UBN1: variants seen among roughly 807,000 people sequenced by gnomAD.
The protein encoded by UBN1 is ubinuclein 1.
A neutral mutation model predicts 108.5 loss-of-function variants in UBN1; 17 were observed. The ratio of observed to expected loss-of-function variants is 0.16; its 90% CI spans 0.11 to 0.24. The LOEUF is 0.24. Ranked by LOEUF, UBN1 falls within the 10% of genes least tolerant of loss-of-function variation. The pLI, the probability that UBN1 is intolerant of heterozygous loss-of-function variation, is 1.00. For synonymous variants in UBN1, 726 were observed against 564.2 expected (o/e 1.29, Z -4.07); for missense variants, 1,595 against 1,394.4 (o/e 1.14, Z -2.29).
rs1193294084 is a variant in UBN1, at chr16:4,859,144, G to A, written c.552G>A (p.Lys184=). 2.5e-6 allele frequency: 4 copies of A among 1,612,642 alleles called. No individual in the cohort carries two copies. Among genetic ancestry groups the A allele is most frequent in the Non-Finnish European group, 3.4e-6 (4 of 1,179,690 alleles). Residue 184 remains lysine (K), a synonymous_variant, in exon 5 of 18, where the codon AAG becomes AAA. Coordinates refer to ENST00000262376, the MANE Select transcript of UBN1 (RefSeq NM_001079514.3). ...AAGATGACTTCATTAAAGAAAAGAA[G>A]AAAAAATCTCCAAAGGTTAGAATGT... ...ESEDDFIKEK[K]KKSPKKRKLK... is the part of the protein sequence containing the mutation.
rs777540180 is a variant in UBN1, at chr16:4,877,093, C to T, written c.3247C>T (p.His1083Tyr). Reference sequence around the variant, plus strand: ...CACAGGCCCTGCCCCCGGGTCCTTCCACCATGGCCTTGGCCACAGTAAGTG... The same window carrying T: ...CACAGGCCCTGCCCCCGGGTCCTTCTACCATGGCCTTGGCCACAGTAAGTG... ...IVTGPAPGSFHHGLGHSLLAG... is the reference protein window; with the variant it reads ...IVTGPAPGSFYHGLGHSLLAG... Residue 1083 changes from histidine to tyrosine, a missense_variant, in exon 16 of 18, where the codon CAC becomes TAC. Coordinates refer to ENST00000262376, the MANE Select transcript of UBN1 (RefSeq NM_001079514.3). This position sits in a 1 kb window ranked among gnomAD's most constrained non-coding sequence, Gnocchi z 4.3. 1.9e-6 allele frequency: 3 copies of T among 1,611,828 alleles called. No individual in the cohort carries two copies. Among genetic ancestry groups the T allele is most frequent in the Admixed American group, 3.3e-5 (2 of 59,774 alleles).
In UBN1 at chr16:4,859,018, T is replaced by C. The variant is rs369163496; in HGVS notation, c.433-7T>C. ...CTTGGAGCTGACAGTTTGTTTCCCA[T>C]CTTCAGTATGATGAGCTTGTTCCTG... On this transcript the variant is annotated splice_region_variant and splice_polypyrimidine_tract_variant and intron_variant, in intron 4 of 17. Transcript: ENST00000262376. The C allele has an allele frequency of 6.2e-7, 1 of 1,611,100 alleles. No individual in the cohort carries two copies. Among genetic ancestry groups the C allele is most frequent in the Non-Finnish European group, 8.5e-7 (1 of 1,179,282 alleles).
chr16:4,879,536 A>G (rs143954450), intron 17 of UBN1, among the ~76,000 whole-genome samples: 83 of 152,266 alleles, frequency 5.5e-4, no homozygotes, highest in African/African-American at 1.9e-3. Flanking sequence ...GGGTTATCCA[A>G]GTGAGCTTCT....
At position 4,877,435 on chromosome 16, in the gene UBN1, C is replaced by T; in HGVS notation, c.3316C>T (p.His1106Tyr). 6.2e-7 allele frequency: 1 copy of T among 1,612,572 alleles called. No homozygotes were observed. Among genetic ancestry groups the T allele is most frequent in the East Asian group, 2.2e-5 (1 of 44,852 alleles). The part of the protein sequence containing the change: ...SSPPHAAPLP[H>Y]AAVPTHIPQS... ...CCCGCCCCATGCAGCGCCTCTCCCA[C>T]ACGCTGCGGTGCCCACCCATATCCC... The change falls in exon 17 of 18, where the codon CAC becomes TAC. Residue 1106 changes from histidine to tyrosine, a missense_variant. Transcript: ENST00000262376. The surrounding 1 kb of genome is among the most constrained non-coding windows in gnomAD (Gnocchi z 4.3).
intron 4 of UBN1, 70 bp from the exon 5 acceptor site, chr16:4,858,955 C>T (rs8060576): frequency 0.14 from 213,717 of 1,570,272 alleles, 15,721 homozygotes; most frequent in Admixed American, 0.23. Context: ...ACATCTCTCT[C>T]GAGACCCACT....
chr16:4,881,984 G>C lies in UBN1; in HGVS notation c.*1852G>C, dbSNP rs2088087449. 1 of 152,190 alleles carries C rather than the reference G, an allele frequency of 6.6e-6. No individual in the cohort carries two copies. The highest frequency in any genetic ancestry group is 1.5e-5 in the Non-Finnish European group (1 of 68,002). The allele number at this position is 152,190 out of a possible 1,614,324, so 9.4% of individuals were successfully genotyped here. On this transcript the variant is annotated 3_prime_UTR_variant, in exon 18 of 18. Transcript: ENST00000262376. ...TACCATTGCGCGTGCAGCTGGAGCA[G>C]AATACCCTCATTTTTAGGAATCTAG... is the stretch of plus-strand genomic sequence containing the variant.
At chr16:4,862,528 T>C (rs1342923369) in intron 7 of UBN1, among the ~76,000 whole-genome samples, 7 of 152,250 alleles carry the variant, frequency 4.6e-5, no homozygotes, top group African/African-American at 1.7e-4. Flanking sequence ...TCAGAATTCA[T>C]GTTAACCAAA....
At chr16:4,867,663 A>T (rs1036714129) in intron 7 of UBN1, among the ~76,000 whole-genome samples, 15 of 152,080 alleles carry the variant, frequency 9.9e-5, no homozygotes, top group African/African-American at 3.1e-4. Flanking sequence ...TCTAGTGAGA[A>T]TCCTGGGGTC....
rs1387084559 is a variant in UBN1 at position 4,853,023 on chromosome 16, C to G, written c.106C>G (p.Gln36Glu). Residue 36 changes from glutamine (Q) to glutamate (E), a missense_variant, in exon 2 of 18, where the codon CAG becomes GAG. Physicochemically the swap from Gln to Glu is conservative, Grantham distance 29 (BLOSUM62 2). Around this residue, in one of 3 missense-constraint regions of UBN1, gnomAD observed 181 missense variants for 157.3 expected, o/e 1.15. Transcript: ENST00000262376. ...GGAGGCTGGGGCAGGAGAACAGCAT[C>G]AGGACTGTGAGCCGGCTGCAGCAGC... ...KEEAGAGEQH[Q>E]DCEPAAAAVR... The G allele has an allele frequency of 3.1e-6, 5 of 1,614,242 alleles. No homozygotes were observed. The highest frequency in any genetic ancestry group is 4.2e-6 in the Non-Finnish European group (5 of 1,180,046).
At chr16:4,859,301 C>A in intron 5 of UBN1, 142 bp downstream of exon 5, 1 of 1,201,532 alleles carries the variant, frequency 8.3e-7, no homozygotes, top group Admixed American at 2.3e-5. Flanking sequence ...GTTGATGGCT[C>A]GCCTCTTACA....
rs1202311649 is a variant in UBN1 at position 4,868,878 on chromosome 16, C to G, written c.1156C>G (p.Gln386Glu). The G allele has an allele frequency of 6.2e-7, 1 of 1,613,872 alleles. No individual in the cohort carries two copies. The highest frequency in any genetic ancestry group is 1.1e-5 in the South Asian group (1 of 91,062). ...EGESRQKFFT[Q>E]DINGILLDIE... ...GGAGAGCAGACAGAAGTTCTTCACC[C>G]AGGATATTAATGGAATCCTATTAGA... is the stretch of plus-strand genomic sequence containing the variant. Residue 386 changes from glutamine (Q) to glutamate (E), a missense_variant, in exon 8 of 18, where the codon CAG becomes GAG. Physicochemically the swap from Gln to Glu is conservative, Grantham distance 29. Around this residue, in one of 3 missense-constraint regions of UBN1, gnomAD observed 1,398 missense variants for 1,194.7 expected, o/e 1.17. Coordinates refer to ENST00000262376, the MANE Select transcript of UBN1 (RefSeq NM_001079514.3).
rs546628400 is a variant in UBN1, at chr16:4,849,113, G to GA, written c.-40+909dup. Among the ~76,000 whole-genome samples the GA allele has an allele frequency of 1.4e-4, 21 of 151,212 alleles. No individual in the cohort carries two copies. In the East Asian group the frequency reaches 3.7e-3, roughly 27 times the overall value. On this transcript the variant is annotated intron_variant, in intron 1 of 17. Transcript: ENST00000262376. ...GCGAGACTCGTCCCCCCGCCAAAAA[G>GA]AAAAAAGAAAAAAAAATCTCAAATG... is the stretch of plus-strand genomic sequence containing the variant.
At chr16:4,858,461 T>G (rs112333863) in intron 3 of UBN1, 107 bp from the exon 4 acceptor site, 3 of 951,464 alleles carry the variant, frequency 3.2e-6, no homozygotes, top group Middle Eastern at 2.2e-4. Flanking sequence ...AGTGACTGTT[T>G]TAGTTAGTGC....
chr16:4,851,081 C>T (rs1417390150), intron 1 of UBN1, among the ~76,000 whole-genome samples: 2 of 152,180 alleles, frequency 1.3e-5, no homozygotes, highest in African/African-American at 4.8e-5. Flanking sequence ...TATGCCAAAT[C>T]AGCAGAGGAA....
chr16:4,870,620 G>A lies in UBN1; in HGVS notation c.1416G>A (p.Gln472=). 1.2e-6 allele frequency: 2 copies of A among 1,614,192 alleles called. No individual in the cohort carries two copies. Among genetic ancestry groups the A allele is most frequent in the Non-Finnish European group, 1.7e-6 (2 of 1,180,042 alleles). The change falls in exon 10 of 18, where the codon CAG becomes CAA. Residue 472 remains glutamine (Q), a synonymous_variant. Coordinates refer to ENST00000262376, the MANE Select transcript of UBN1 (RefSeq NM_001079514.3). The part of the protein sequence containing the change: ...KYQDECQAHT[Q]AKVAKMLEEE... The stretch of plus-strand genomic sequence containing the variant: ...AGGACGAATGCCAGGCACACACGCA[G>A]GCAAAGGTTGCCAAGTAAGTTTGTC...
chr16:4,868,914 T>C lies in UBN1; in HGVS notation c.1181+11T>C, dbSNP rs1444796447. ...TGGAATCCTATTAGAGTGAGTATCG[T>C]CTGTCTGTCTGTCTGTCTGTCTGTT... On this transcript the variant is annotated intron_variant, in intron 8 of 17. Coordinates refer to ENST00000262376, the MANE Select transcript of UBN1 (RefSeq NM_001079514.3). The C allele has an allele frequency of 1.3e-6, 2 of 1,582,720 alleles. No homozygotes were observed. The highest frequency in any genetic ancestry group is 1.7e-6 in the Non-Finnish European group (2 of 1,160,032).
chr16:4,856,582 C>G (rs1363067924), intron 2 of UBN1, among the ~76,000 whole-genome samples: 1 of 152,170 alleles, frequency 6.6e-6, no homozygotes, highest in Non-Finnish European at 1.5e-5. Context: ...GACACAGGCC[C>G]TGGAGGTCTT....
chr16:4,882,170 C>T lies in UBN1; in HGVS notation c.*2038C>T, dbSNP rs552000946. On this transcript the variant is annotated 3_prime_UTR_variant, in exon 18 of 18. Transcript: ENST00000262376. ...GCAGCAGAGGGTGGGGCAGAGCAGC[C>T]TCGGGGTCTGGGGGCTGCAGGGGTT... 2.6e-5 allele frequency: 4 copies of T among 152,666 alleles called. No individual in the cohort carries two copies. The South Asian group carries it at 6.2e-4, about 24-fold the overall frequency. The allele number at this position is 152,666 out of a possible 1,614,324, so 9.5% of individuals were successfully genotyped here.
At chr16:4,852,196 A>G (rs1379589059) in intron 1 of UBN1, 2 of 152,248 alleles carry the variant, frequency 1.3e-5, no homozygotes, top group Non-Finnish European at 2.9e-5. Flanking sequence ...CATGTATGGC[A>G]TGTATTAGCA....
Sources: gnomAD v4.1 joint callset for allele counts (sites outside exome capture counted in the v4.1 genomes callset) on GRCh38, gnomAD v4.1.1 for gene constraint, gnomAD v4.1.1 regional missense constraint, Gnocchi (gnomAD v3.1) non-coding constraint, MANE v1.5 for transcripts, NCBI Gene and HGNC (gene_info 2026-07-23, HGNC 2026-07-21) for gene names.